The following CLSTN2 variants were observed in gnomAD, a reference collection of about 807,000 sequenced individuals.
CLSTN2 encodes the protein calsyntenin-2.
Under a neutral mutation model 101.2 loss-of-function variants are expected in CLSTN2, and 48 were observed. The ratio of observed to expected loss-of-function variants is 0.47; its 90% CI spans 0.38 to 0.60. The LOEUF (loss-of-function observed/expected upper bound fraction) is 0.60, where lower values mean the gene tolerates loss of function less well. Ranked by LOEUF, CLSTN2 falls within the 20% of genes least tolerant of loss-of-function variation. The pLI is 0.00. For synonymous variants in CLSTN2, 481 were observed against 463.6 expected, an observed-to-expected ratio of 1.04 and a Z score of -0.48; for missense variants, 1,160 against 1,238.2, an observed-to-expected ratio of 0.94 and a Z score of 0.95.
At chr3:140,073,617 C>A (rs1042514316) in intron 1 of CLSTN2, among the ~76,000 whole-genome samples, 3 of 152,194 alleles carry the variant, frequency 2.0e-5, no homozygotes, top group Non-Finnish European at 4.4e-5. Flanking sequence ...ATGTACTTGG[C>A]CTCCTAGAGC....
chr3:140,166,305 A>G (rs2010134093), intron 1 of CLSTN2, among the ~76,000 whole-genome samples: 2 of 152,224 alleles, frequency 1.3e-5, no homozygotes, highest in South Asian at 2.1e-4. Flanking sequence ...AAGCAGTTCT[A>G]CTAGGAGATC....
chr3:140,099,525 GACCCTTT>G, intron 1 of CLSTN2, among the ~76,000 whole-genome samples: 1 of 152,242 alleles, frequency 6.6e-6, no homozygotes, highest in South Asian at 2.1e-4. Flanking sequence ...CATCTGCAGA[GACCCTTT>G]TCCCAAAGAA....
At chr3:140,090,468 G>A (rs192663109) in intron 1 of CLSTN2, among the ~76,000 whole-genome samples, 68 of 152,160 alleles carry the variant, frequency 4.5e-4, no homozygotes, top group African/African-American at 1.6e-3. Flanking sequence ...TGATGAATCT[G>A]CTACATTGAA....
intron 1 of CLSTN2, among the ~76,000 whole-genome samples, chr3:140,132,177 A>G (rs1270191156): frequency 6.6e-6 from 1 of 152,164 alleles, no homozygotes; most frequent in Non-Finnish European, 1.5e-5. Flanking sequence ...TTGAAGTTTA[A>G]CAGGAGGAAA....
intron 8 of CLSTN2, among the ~76,000 whole-genome samples, chr3:140,522,140 T>G (rs149582530): frequency 1.3e-5 from 2 of 152,366 alleles, no homozygotes; most frequent in African/African-American, 4.8e-5. Context: ...ACTGCTTCCT[T>G]TGGCTTCATG....
chr3:140,263,147 G>T (rs544343821), intron 2 of CLSTN2, among the ~76,000 whole-genome samples: 1 of 152,112 alleles, frequency 6.6e-6, no homozygotes, highest in African/African-American at 2.4e-5. Context: ...GGCTTAGTCA[G>T]AGGAAGAAAA....
chr3:140,180,223 G>T (rs1374318221), intron 2 of CLSTN2, among the ~76,000 whole-genome samples: 1 of 152,194 alleles, frequency 6.6e-6, no homozygotes, highest in Admixed American at 6.5e-5. Flanking sequence ...ACTCAGAGAC[G>T]CTAAGCAACT....
intron 1 of CLSTN2, among the ~76,000 whole-genome samples, chr3:139,999,700 A>G (rs1394645038): frequency 6.6e-6 from 1 of 152,162 alleles, no homozygotes. Flanking sequence ...GAGACAGACA[A>G]TTTGGTCTGA....
chr3:140,406,395 A>G (rs191071158), intron 4 of CLSTN2, among the ~76,000 whole-genome samples: 263 of 152,340 alleles, frequency 1.7e-3, no homozygotes, highest in Non-Finnish European at 3.1e-3. Flanking sequence ...TCCCTCTAAA[A>G]TGCTAAAACA....
intron 5 of CLSTN2, among the ~76,000 whole-genome samples, chr3:140,430,776 A>G (rs2088620534): frequency 3.9e-5 from 6 of 152,226 alleles, no homozygotes; most frequent in Admixed American, 3.9e-4. Flanking sequence ...TTCACTGCAC[A>G]AAGGGCAGGA....
chr3:140,466,314 A>T (rs1311387056), intron 7 of CLSTN2, among the ~76,000 whole-genome samples: 1 of 152,208 alleles, frequency 6.6e-6, no homozygotes. Context: ...AACCTAAGTA[A>T]TTTGTACCCT....
intron 5 of CLSTN2, among the ~76,000 whole-genome samples, chr3:140,441,210 G>T (rs972872526): frequency 6.6e-6 from 1 of 152,214 alleles, no homozygotes; most frequent in Non-Finnish European, 1.5e-5. Flanking sequence ...CCAACTGGCT[G>T]TGGGACCTTC....
chr3:140,427,133 G>A (rs1008804733), intron 5 of CLSTN2, among the ~76,000 whole-genome samples: 8 of 142,872 alleles, frequency 5.6e-5, no homozygotes, highest in South Asian at 2.1e-4. Context: ...CCAGTAGTGC[G>A]CCACTGCACT....
intron 1 of CLSTN2, among the ~76,000 whole-genome samples, chr3:140,016,910 A>G (rs1272700214): frequency 6.6e-6 from 1 of 152,180 alleles, no homozygotes; most frequent in Non-Finnish European, 1.5e-5. Context: ...TTCCAGTCAA[A>G]GTAGGCTATT....
chr3:140,288,955 G>A (rs941835415), intron 2 of CLSTN2, among the ~76,000 whole-genome samples: 7 of 149,994 alleles, frequency 4.7e-5, no homozygotes, highest in East Asian at 1.9e-4. Flanking sequence ...CTGATCCCCC[G>A]TGCCCTTTTC....
At chr3:140,364,465 G>A (rs1480844771) in intron 2 of CLSTN2, among the ~76,000 whole-genome samples, 1 of 152,158 alleles carries the variant, frequency 6.6e-6, no homozygotes, top group Non-Finnish European at 1.5e-5. Flanking sequence ...ATTCTCTGGT[G>A]ACCACCTTGA....
intron 1 of CLSTN2, among the ~76,000 whole-genome samples, chr3:140,046,705 C>A (rs1031890746): frequency 6.6e-6 from 1 of 152,102 alleles, no homozygotes. Flanking sequence ...GTAGGGCAGG[C>A]CTGGTAGTGA....
intron 2 of CLSTN2, among the ~76,000 whole-genome samples, chr3:140,361,399 ATC>A (rs548536824): frequency 6.6e-6 from 1 of 152,210 alleles, no homozygotes; most frequent in Non-Finnish European, 1.5e-5. Context: ...GAAGATGGAA[ATC>A]TCTCTCCATA....
In CLSTN2 at chr3:140,414,092, A is replaced by G. The variant is rs371041468; in HGVS notation, c.638-7033A>G. ...AGAAATAAAATGTACTCACATCAGA[A>G]AGGAATAAGTAAAATTGTCTGTTTG... On this transcript the variant is annotated intron_variant, in intron 4 of 16. Transcript: ENST00000458420. Among the ~76,000 whole-genome samples, 6 of 152,252 alleles carry G rather than the reference A, an allele frequency of 3.9e-5. No individual in the cohort carries two copies. The East Asian group carries it at 7.7e-4, about 20-fold the overall frequency.
Sources: allele counts gnomAD v4.1 joint callset (sites outside exome capture counted in the v4.1 genomes callset), GRCh38; gene constraint gnomAD v4.1.1; transcripts MANE v1.5; gene names NCBI Gene and HGNC (gene_info 2026-07-23, HGNC 2026-07-21).